The following PALM2AKAP2 variants were observed in gnomAD, a reference collection of about 807,000 sequenced individuals.
The protein encoded by PALM2AKAP2 is PALM2-AKAP2 fusion protein.
In PALM2AKAP2, 37 loss-of-function variants were observed where a neutral mutation model predicts 71.5. That is an observed-to-expected ratio of 0.52 (90% CI 0.40 to 0.68). The LOEUF is 0.68. PALM2AKAP2 is among the 30% of genes least tolerant of loss of function. The pLI is 0.00. For missense variants in PALM2AKAP2, 1,224 were observed against 1,191.8 expected (o/e 1.03, Z -0.40); for synonymous variants, 468 against 478.8 (o/e 0.98, Z 0.29).
chr9:110,015,958 CGGGTGG>C, exon 7 of PALM2AKAP2: 1 of 1,613,532 alleles, frequency 6.2e-7, no homozygotes, highest in Non-Finnish European at 8.5e-7. Context: ...TTTCAGGAGT[CGGGTGG>C]GAGAATGTGC....
intron 3 of PALM2AKAP2, among the ~76,000 whole-genome samples, chr9:110,166,930 T>C (rs374400958): frequency 8.2e-4 from 125 of 152,268 alleles, no homozygotes; most frequent in African/African-American, 3.0e-3. Flanking sequence ...GACTGGGTAA[T>C]TTATAAAGAA....
At position 110,052,197 on chromosome 9, in the gene PALM2AKAP2, C is replaced by T. The variant is rs540847433; in HGVS notation, c.156+3342C>T. Among the ~76,000 whole-genome samples the T allele has an allele frequency of 1.6e-4, 25 of 152,286 alleles. No individual in the cohort carries two copies. In the South Asian group the frequency reaches 4.6e-3, roughly 28 times the overall value. ...GATTACAGGCATGAGCCATCATGCC[C>T]GGCCCACCATTTTCTTTATACTGTG... On this transcript the variant is annotated intron_variant, in intron 1 of 3. Transcript: ENST00000374525.
At chr9:110,035,110 GTATGTTTAGT>G (rs1833357486) in intron 7 of PALM2AKAP2, among the ~76,000 whole-genome samples, 1 of 150,128 alleles carries the variant, frequency 6.7e-6, no homozygotes, top group Admixed American at 6.7e-5. Flanking sequence ...GGAAAATCTA[GTATGTTTAGT>G]GTTTTACAAG....
intron 1 of PALM2AKAP2, among the ~76,000 whole-genome samples, chr9:109,819,479 T>A (rs1056283030): frequency 6.6e-6 from 1 of 152,180 alleles, no homozygotes; most frequent in Non-Finnish European, 1.5e-5. Context: ...GTTCTCAGGT[T>A]AGGGAATGAG....
intron 6 of PALM2AKAP2, among the ~76,000 whole-genome samples, chr9:109,947,533 T>C (rs1170822219): frequency 6.6e-6 from 1 of 152,212 alleles, no homozygotes; most frequent in Non-Finnish European, 1.5e-5. Context: ...AACATGGTCA[T>C]AGAGACAAAA....
chr9:109,776,192 G>A (rs541761947), upstream of PALM2AKAP2, among the ~76,000 whole-genome samples: 1 of 152,266 alleles, frequency 6.6e-6, no homozygotes, highest in South Asian at 2.1e-4. Flanking sequence ...AAATAGCATA[G>A]TTTGGGTTTT....
intron 1 of PALM2AKAP2, among the ~76,000 whole-genome samples, chr9:109,709,402 C>T (rs145748402): frequency 1.9e-4 from 29 of 152,276 alleles, no homozygotes; most frequent in African/African-American, 6.7e-4. Context: ...GCTTTGAGCC[C>T]CTTTGGACAA....
At chr9:109,808,791 G>A (rs1827646947) in intron 1 of PALM2AKAP2, among the ~76,000 whole-genome samples, 1 of 152,202 alleles carries the variant, frequency 6.6e-6, no homozygotes, top group Non-Finnish European at 1.5e-5. Flanking sequence ...AGGAAAAGGT[G>A]TTTTTTTGGG....
At chr9:109,880,425 G>T in intron 2 of PALM2AKAP2, 126 bp from the exon 3 acceptor site, 1 of 1,384,122 alleles carries the variant, frequency 7.2e-7, no homozygotes, top group Non-Finnish European at 9.7e-7. Context: ...TGTTAGTGAG[G>T]AGGTGAAGGC....
At chr9:110,123,816 G>A (rs1219701083) in intron 1 of PALM2AKAP2, among the ~76,000 whole-genome samples, 1 of 152,204 alleles carries the variant, frequency 6.6e-6, no homozygotes, top group Non-Finnish European at 1.5e-5. Context: ...CTCTTGCATC[G>A]CTGGTCGAGG....
chr9:109,943,483 C>T, intron 6 of PALM2AKAP2: 2 of 1,524,942 alleles, frequency 1.3e-6, no homozygotes, highest in Non-Finnish European at 1.7e-6. Flanking sequence ...CTCACGTAGA[C>T]CTCACTGTAC....
intron 1 of PALM2AKAP2, among the ~76,000 whole-genome samples, chr9:110,054,224 AC>A (rs1366451303): frequency 6.6e-6 from 1 of 152,142 alleles, no homozygotes; most frequent in Non-Finnish European, 1.5e-5. Flanking sequence ...ACATGGAGAA[AC>A]CCGGTCTCTA....
chr9:109,938,042 G>A (rs1283012453), intron 6 of PALM2AKAP2, among the ~76,000 whole-genome samples: 1 of 152,198 alleles, frequency 6.6e-6, no homozygotes. Context: ...AGTGTGAGAG[G>A]CCATTGGTAT....
At chr9:110,129,179 C>A (rs1835680110) in intron 1 of PALM2AKAP2, among the ~76,000 whole-genome samples, 1 of 152,226 alleles carries the variant, frequency 6.6e-6, no homozygotes, top group African/African-American at 2.4e-5. Context: ...ACAGATACGT[C>A]TCCAGAGAGT....
chr9:109,678,905 A>G (rs919029572), intron 1 of PALM2AKAP2, among the ~76,000 whole-genome samples: 4 of 152,172 alleles, frequency 2.6e-5, no homozygotes, highest in African/African-American at 9.6e-5. Context: ...TGTGAGATAC[A>G]ACGTGCAAAG....
At position 109,665,642 on chromosome 9, in the gene PALM2AKAP2, C is replaced by T. The variant is rs544138642; in HGVS notation, c.5+24776C>T. ...GGTGTCTCCCAGTTAGGCTACGTGG[C>T]GGTCAGGGACCCACTTGAGGAGGCA... On this transcript the variant is annotated intron_variant, in intron 1 of 6. Transcript: ENST00000374531. 5.3e-5 allele frequency among the ~76,000 whole-genome samples: 8 copies of T among 152,300 alleles called. No homozygotes were observed. The East Asian group carries it at 7.7e-4, about 15-fold the overall frequency.
intron 1 of PALM2AKAP2, chr9:110,125,714 G>A (rs1243062182): frequency 3.8e-6 from 2 of 530,386 alleles, no homozygotes; most frequent in Non-Finnish European, 4.8e-6. Context: ...GTCATGTGCT[G>A]TGGAGTCCTT....
chr9:109,923,367 G>A (rs1456850418), intron 3 of PALM2AKAP2, among the ~76,000 whole-genome samples: 5 of 152,174 alleles, frequency 3.3e-5, no homozygotes, highest in African/African-American at 4.8e-5. Flanking sequence ...ACTCTGAGCC[G>A]GTCAGGAGAA....
chr9:109,836,348 G>A (rs921646084), intron 1 of PALM2AKAP2, among the ~76,000 whole-genome samples: 4 of 152,186 alleles, frequency 2.6e-5, no homozygotes, highest in African/African-American at 4.8e-5. Flanking sequence ...CTAACAAACA[G>A]AAAGGACATC....
Sources: allele counts gnomAD v4.1 joint callset (sites outside exome capture counted in the v4.1 genomes callset), GRCh38; gene constraint gnomAD v4.1.1; transcripts MANE v1.5; gene names NCBI Gene and HGNC (gene_info 2026-07-23, HGNC 2026-07-21).